TMOD3: variants seen among roughly 807,000 people sequenced by gnomAD.
TMOD3 encodes tropomodulin-3.
A neutral mutation model predicts 39.2 loss-of-function variants in TMOD3; 20 were observed. That is an observed-to-expected ratio of 0.51 (90% confidence interval 0.36 to 0.74). The LOEUF (loss-of-function observed/expected upper bound fraction) is 0.74, where lower values mean the gene tolerates loss of function less well. Ranked by LOEUF, TMOD3 falls within the 30% of genes least tolerant of loss-of-function variation. The pLI is 0.00. For missense variants in TMOD3, 381 were observed against 412.8 expected (o/e 0.92, Z 0.67); for synonymous variants, 143 against 145.8 (o/e 0.98, Z 0.14).
chr15:51,868,244 A>G (rs756558099), intron 2 of TMOD3, among the ~76,000 whole-genome samples: 1 of 152,226 alleles, frequency 6.6e-6, no homozygotes, highest in Non-Finnish European at 1.5e-5. Context: ...CTCTTTTGTA[A>G]TAGAATTATT....
chr15:51,890,469 G>C (rs2056586971), intron 5 of TMOD3, among the ~76,000 whole-genome samples: 1 of 151,774 alleles, frequency 6.6e-6, no homozygotes, highest in Non-Finnish European at 1.5e-5. Context: ...GAGCCACTGT[G>C]CCTGGCCAAC....
rs747358873 is a variant in TMOD3, at chr15:51,863,022, G to A, written c.126+12G>A. On this transcript the variant is annotated intron_variant, in intron 2 of 9. Transcript: ENST00000308580. Reference sequence around the variant, plus strand: ...ATCTTGACCCCGAGGTAGGTGCTAGGTGATGAAGAGAAATGAAATAACTTT... The same window carrying A: ...ATCTTGACCCCGAGGTAGGTGCTAGATGATGAAGAGAAATGAAATAACTTT... 5.0e-6 allele frequency: 8 copies of A among 1,601,580 alleles called. No individual in the cohort carries two copies. Among genetic ancestry groups the A allele is most frequent in the Non-Finnish European group, 6.8e-6 (8 of 1,176,132 alleles).
rs765476043 is a variant in TMOD3, at chr15:51,896,533, A to G, written c.735+7A>G. 2 of 1,602,194 alleles carry G rather than the reference A, an allele frequency of 1.2e-6. No individual in the cohort carries two copies. The highest frequency in any genetic ancestry group is 2.2e-5 in the South Asian group (2 of 90,348). The stretch of plus-strand genomic sequence containing the variant: ...CAATGACCCTGTTGCTACTGTAAGT[A>G]AGCGACTTGAGAATATCAAAATTAT... On this transcript the variant is annotated splice_region_variant and intron_variant, in intron 7 of 9. Transcript: ENST00000308580.
rs1286780618 is a variant in TMOD3, at chr15:51,902,642, G to GTTTTTTTTTTTTTTTTTTT, written c.1024+607_1024+608insTTTTTTTTTTTTTTTTTTT. Among the ~76,000 whole-genome samples, 2 of 63,354 alleles carry GTTTTTTTTTTTTTTTTTTT rather than the reference G, an allele frequency of 3.2e-5. 1 individual carries two copies. The allele number at this position is 63,354 out of a possible 152,430, so 41.6% of individuals were successfully genotyped here. On this transcript the variant is annotated intron_variant, in intron 9 of 9. Transcript: ENST00000308580. ...TGCGCGCCGTGCCCAGCTAATTTTT[G>GTTTTTTTTTTTTTTTTTTT]TATTTTTTTTTTTTTTTTTTTTTTT...
chr15:51,830,913 T>TA (rs2056251744), intron 1 of TMOD3, among the ~76,000 whole-genome samples: 1 of 152,334 alleles, frequency 6.6e-6, no homozygotes, highest in South Asian at 2.1e-4. Flanking sequence ...TCCCCTTTCT[T>TA]ACACATTCCT....
chr15:51,854,341 C>A lies in TMOD3; in HGVS notation c.-74-8470C>A, dbSNP rs111484315. Reference sequence around the variant, plus strand: ...AAGACAGGCAGCAGGCCGAATTTGGCCCCCTGTAGTTTGCCTAACCCTGTT... The same window carrying A: ...AAGACAGGCAGCAGGCCGAATTTGGACCCCTGTAGTTTGCCTAACCCTGTT... On this transcript the variant is annotated intron_variant, in intron 1 of 9. Coordinates refer to ENST00000308580, the MANE Select transcript of TMOD3 (RefSeq NM_014547.5). Among the ~76,000 whole-genome samples, 64 of 152,252 alleles carry A rather than the reference C, an allele frequency of 4.2e-4. 2 individuals carry two copies. The highest frequency in any genetic ancestry group is 1.5e-3 in the African/African-American group (62 of 41,530).
In TMOD3 at chr15:51,913,838, C is replaced by A. The variant is rs968286641; in HGVS notation, c.*5028C>A. The stretch of plus-strand genomic sequence containing the variant: ...GACCAACCTGCGTAACATGGTGAAA[C>A]CCCATATCTACAAAAAGTACAAAAA... On this transcript the variant is annotated 3_prime_UTR_variant, in exon 10 of 10. Coordinates refer to ENST00000308580, the MANE Select transcript of TMOD3 (RefSeq NM_014547.5). 6.6e-6 allele frequency: 1 copy of A among 151,968 alleles called. No individual in the cohort carries two copies. Among genetic ancestry groups the A allele is most frequent in the Non-Finnish European group, 1.5e-5 (1 of 68,020 alleles). The allele number at this position is 151,968 out of a possible 1,614,324, so 9.4% of individuals were successfully genotyped here.
At chr15:51,895,527 A>AT (rs1344132660) in intron 6 of TMOD3, among the ~76,000 whole-genome samples, 2 of 151,596 alleles carry the variant, frequency 1.3e-5, no homozygotes, top group Non-Finnish European at 1.5e-5. Flanking sequence ...GCCTATTTTT[A>AT]TTTTTTTTAA....
chr15:51,881,495 T>C (rs2056533430), intron 3 of TMOD3, among the ~76,000 whole-genome samples: 1 of 151,276 alleles, frequency 6.6e-6, no homozygotes. Flanking sequence ...TTTGGTGGCA[T>C]ATCTAAAAAC....
chr15:51,891,546 A>G (rs1022443271), intron 5 of TMOD3, among the ~76,000 whole-genome samples: 1 of 152,106 alleles, frequency 6.6e-6, no homozygotes. Flanking sequence ...AGCCTGACCC[A>G]TCCTTTTTAA....
intron 1 of TMOD3, among the ~76,000 whole-genome samples, chr15:51,848,537 A>G (rs1482631619): frequency 1.3e-5 from 2 of 152,238 alleles, no homozygotes; most frequent in Non-Finnish European, 2.9e-5. Flanking sequence ...TTTCCAGATT[A>G]ATTTTGAACC....
In TMOD3 at chr15:51,860,068, C is replaced by G. The variant is rs933323910; in HGVS notation, c.-74-2743C>G. The G allele has an allele frequency of 2.0e-4, 104 of 519,670 alleles. 1 individual carries two copies. In the Middle Eastern group the frequency reaches 4.2e-3, roughly 21 times the overall value. The allele number at this position is 519,670 out of a possible 1,614,324, so 32.2% of individuals were successfully genotyped here. A position where few individuals can be genotyped will look rare whatever the true frequency, so the allele number is the denominator to read the frequency against. On this transcript the variant is annotated intron_variant, in intron 1 of 9. Coordinates refer to ENST00000308580, the MANE Select transcript of TMOD3 (RefSeq NM_014547.5). ...ATACGGCACAGCATCTGTCCTCCTT[C>G]TGGCCCTCCTCTGCTTTGTCTTATT...
intron 1 of TMOD3, among the ~76,000 whole-genome samples, chr15:51,833,957 C>G (rs751955401): frequency 6.6e-6 from 1 of 152,120 alleles, no homozygotes; most frequent in African/African-American, 2.4e-5. Context: ...GTATTGTCAG[C>G]CTTTTCAATT....
intron 1 of TMOD3, among the ~76,000 whole-genome samples, chr15:51,842,814 G>T (rs2056318762): frequency 6.6e-6 from 1 of 152,148 alleles, no homozygotes; most frequent in Admixed American, 6.5e-5. Flanking sequence ...CAAATTTTAG[G>T]CCTTGTGCCT....
rs2056718178 is a variant in TMOD3 at position 51,912,808 on chromosome 15, T to C, written c.*3998T>C. On this transcript the variant is annotated 3_prime_UTR_variant, in exon 10 of 10. Coordinates refer to ENST00000308580, the MANE Select transcript of TMOD3 (RefSeq NM_014547.5). Reference sequence around the variant, plus strand: ...CGGGTTGCTGCTCTCAGTTAAGGGCTATGAGTTCTTGGGGTCTAAGTATCT... The same window carrying C: ...CGGGTTGCTGCTCTCAGTTAAGGGCCATGAGTTCTTGGGGTCTAAGTATCT... The C allele has an allele frequency of 6.6e-6, 1 of 152,240 alleles. No homozygotes were observed. Among genetic ancestry groups the C allele is most frequent in the South Asian group, 2.1e-4 (1 of 4,832 alleles). The allele number at this position is 152,240 out of a possible 1,614,324, so 9.4% of individuals were successfully genotyped here.
chr15:51,844,314 G>A (rs1355855637), intron 1 of TMOD3, among the ~76,000 whole-genome samples: 1 of 152,154 alleles, frequency 6.6e-6, no homozygotes, highest in African/African-American at 2.4e-5. Flanking sequence ...CTTTCTTGAG[G>A]TACTAGAAAA....
chr15:51,840,656 T>A (rs1035894659), intron 1 of TMOD3, among the ~76,000 whole-genome samples: 1 of 152,236 alleles, frequency 6.6e-6, no homozygotes, highest in African/African-American at 2.4e-5. Context: ...TAATAATTTC[T>A]CCTGCCCTTC....
chr15:51,842,655 G>A (rs2056317843), intron 1 of TMOD3, among the ~76,000 whole-genome samples: 1 of 152,144 alleles, frequency 6.6e-6, no homozygotes, highest in Non-Finnish European at 1.5e-5. Flanking sequence ...TTTTCTTGAA[G>A]AATTGACTCT....
At chr15:51,887,091 C>T (rs973881911) in intron 3 of TMOD3, among the ~76,000 whole-genome samples, 2 of 151,676 alleles carry the variant, frequency 1.3e-5, no homozygotes, top group African/African-American at 4.8e-5. Flanking sequence ...TGGTGGTGCA[C>T]GCCTGTAGTC....
Sources: gnomAD v4.1 joint callset for allele counts (sites outside exome capture counted in the v4.1 genomes callset) on GRCh38, gnomAD v4.1.1 for gene constraint, MANE v1.5 for transcripts, NCBI Gene and HGNC (gene_info 2026-07-23, HGNC 2026-07-21) for gene names.